Variants in PRKD1 observed in about 807,000 individuals in gnomAD.
The protein encoded by PRKD1 is protein kinase D1.
PRKD1 carries 63 observed loss-of-function variants against 95.9 expected under a neutral mutation model. The ratio of observed to expected loss-of-function variants is 0.66; its 90% CI spans 0.54 to 0.81. The LOEUF is 0.81. Among genes scored for constraint, PRKD1 ranks in the 30% least tolerant of loss-of-function variants. PRKD1 has a pLI of 0.00. For synonymous variants in PRKD1, 425 were observed against 423.1 expected, an observed-to-expected ratio of 1.00 and a Z score of -0.05; for missense variants, 1,048 against 1,165.3, an observed-to-expected ratio of 0.90 and a Z score of 1.47.
At chr14:29,702,386 C>T (rs973434401) in intron 2 of PRKD1, among the ~76,000 whole-genome samples, 1 of 151,972 alleles carries the variant, frequency 6.6e-6, no homozygotes, top group South Asian at 2.1e-4. Context: ...TGATATTAGA[C>T]CATTCTACTT....
rs571071581 is a variant in PRKD1, at chr14:29,778,618, A to G, written c.265-52944T>C. On this transcript the variant is annotated intron_variant, in intron 1 of 17. Coordinates refer to ENST00000331968, the MANE Select transcript of PRKD1 (RefSeq NM_002742.3). ...AGTTGAATCCCTGAATAGACAAATA[A>G]CAGGCTCTGAAATTGAGGCAATAAT... is the stretch of plus-strand genomic sequence containing the variant. Among the ~76,000 whole-genome samples the G allele has an allele frequency of 7.9e-5, 12 of 152,296 alleles. No individual in the cohort carries two copies. In the East Asian group the frequency reaches 2.3e-3, roughly 29 times the overall value.
intron 2 of PRKD1, among the ~76,000 whole-genome samples, chr14:29,712,270 A>T (rs2139358994): frequency 6.6e-6 from 1 of 152,134 alleles, no homozygotes; most frequent in South Asian, 2.1e-4. Flanking sequence ...TTTTTCCCCT[A>T]AATAGGGGAC....
chr14:29,754,457 A>C (rs1281768321), intron 1 of PRKD1, among the ~76,000 whole-genome samples: 4 of 152,130 alleles, frequency 2.6e-5, no homozygotes, highest in Non-Finnish European at 5.9e-5. Context: ...TTCAATTTAC[A>C]ATTTTAGCTT....
At chr14:29,821,281 G>C (rs1265169509) in intron 1 of PRKD1, among the ~76,000 whole-genome samples, 1 of 152,140 alleles carries the variant, frequency 6.6e-6, no homozygotes, top group Non-Finnish European at 1.5e-5. Flanking sequence ...AAGACTGTCA[G>C]AAAGATATCA....
chr14:29,870,775 T>A (rs1893076390), intron 1 of PRKD1, among the ~76,000 whole-genome samples: 1 of 152,206 alleles, frequency 6.6e-6, no homozygotes. Context: ...TAAAACTCAG[T>A]GTAATAATGA....
At chr14:29,886,450 C>G (rs189108096) in intron 1 of PRKD1, among the ~76,000 whole-genome samples, 111 of 152,330 alleles carry the variant, frequency 7.3e-4, no homozygotes, top group African/African-American at 2.6e-3. Context: ...TTCCCACTCT[C>G]TCATCCTCTC....
chr14:29,787,551 G>A (rs1037699090), intron 1 of PRKD1, among the ~76,000 whole-genome samples: 17 of 151,908 alleles, frequency 1.1e-4, no homozygotes, highest in East Asian at 1.9e-4. Context: ...ATACCCTCAC[G>A]CAGAATTGAT....
intron 13 of PRKD1, among the ~76,000 whole-genome samples, chr14:29,623,922 T>C (rs1879446455): frequency 6.6e-6 from 1 of 152,202 alleles, no homozygotes; most frequent in African/African-American, 2.4e-5. Context: ...TAATGAATAT[T>C]AATTATATAT....
chr14:29,699,899 G>A lies in PRKD1; in HGVS notation c.403+25637C>T, dbSNP rs147895171. Among the ~76,000 whole-genome samples, 16 of 152,184 alleles carry A rather than the reference G, an allele frequency of 1.1e-4. No individual in the cohort carries two copies. The South Asian group carries it at 2.3e-3, about 22-fold the overall frequency. On this transcript the variant is annotated intron_variant, in intron 2 of 17. Transcript: ENST00000331968. ...CATTGTTTTAATTATTAGCTGTGTA[G>A]TACATTTTGATATCTGGAAGAGTAA... is the stretch of plus-strand genomic sequence containing the variant.
At chr14:29,749,269 C>T (rs775255474) in intron 1 of PRKD1, among the ~76,000 whole-genome samples, 3 of 152,142 alleles carry the variant, frequency 2.0e-5, no homozygotes, top group Non-Finnish European at 4.4e-5. Flanking sequence ...TAGTCTGTAG[C>T]CCCATTCTTC....
intron 2 of PRKD1, among the ~76,000 whole-genome samples, chr14:29,684,783 A>T (rs1257282045): frequency 5.3e-5 from 8 of 152,202 alleles, no homozygotes. Flanking sequence ...CCTCAGTAAA[A>T]GTTCTGAAAA....
chr14:29,688,338 C>T (rs1308387746), intron 2 of PRKD1, among the ~76,000 whole-genome samples: 2 of 152,032 alleles, frequency 1.3e-5, no homozygotes, highest in African/African-American at 2.4e-5. Flanking sequence ...TTTTCATATA[C>T]CCTGACATCT....
At chr14:29,637,982 C>T (rs1203945472) in intron 6 of PRKD1, among the ~76,000 whole-genome samples, 1 of 152,164 alleles carries the variant, frequency 6.6e-6, no homozygotes, top group Non-Finnish European at 1.5e-5. Flanking sequence ...AAGCTCTTTG[C>T]TTAAGATATG....
intron 1 of PRKD1, among the ~76,000 whole-genome samples, chr14:29,738,833 T>C (rs1457652020): frequency 4.0e-5 from 3 of 74,778 alleles, no homozygotes; most frequent in Admixed American, 1.5e-4. Flanking sequence ...TTCTTTTTTC[T>C]TTTTTTTTTT....
intron 1 of PRKD1, among the ~76,000 whole-genome samples, chr14:29,803,268 A>T (rs1231340401): frequency 1.3e-5 from 2 of 152,246 alleles, no homozygotes; most frequent in East Asian, 3.8e-4. Flanking sequence ...TATGGACTAG[A>T]ATAAACAGTC....
chr14:29,745,414 T>A (rs2139444518), intron 1 of PRKD1, among the ~76,000 whole-genome samples: 1 of 152,288 alleles, frequency 6.6e-6, no homozygotes, highest in East Asian at 1.9e-4. Flanking sequence ...AATGAACGAA[T>A]AAGTCACAAC....
chr14:29,896,364 G>A (rs1013984804), intron 1 of PRKD1, among the ~76,000 whole-genome samples: 4 of 125,656 alleles, frequency 3.2e-5, no homozygotes, highest in Non-Finnish European at 6.8e-5. Flanking sequence ...GCATGTGTGT[G>A]TACACACACA....
intron 13 of PRKD1, among the ~76,000 whole-genome samples, chr14:29,602,001 G>A (rs1201810737): frequency 6.6e-6 from 1 of 152,188 alleles, no homozygotes; most frequent in Non-Finnish European, 1.5e-5. Context: ...CAAAGTACAC[G>A]TTCCTCTTTG....
chr14:29,756,830 T>C (rs1887721389), intron 1 of PRKD1, among the ~76,000 whole-genome samples: 1 of 152,240 alleles, frequency 6.6e-6, no homozygotes, highest in South Asian at 2.1e-4. Flanking sequence ...GGCTCAGGAC[T>C]CCTCATATGA....
Sources: gnomAD v4.1 joint callset for allele counts (sites outside exome capture counted in the v4.1 genomes callset) on GRCh38, gnomAD v4.1.1 for gene constraint, MANE v1.5 for transcripts, NCBI Gene and HGNC (gene_info 2026-07-23, HGNC 2026-07-21) for gene names.